Variants in IL1RAPL2 observed in about 807,000 individuals in gnomAD.
The protein encoded by IL1RAPL2 is X-linked interleukin-1 receptor accessory protein-like 2.
Under a neutral mutation model 44.1 loss-of-function variants are expected in IL1RAPL2, and 3 were observed. That is an observed-to-expected ratio of 0.07 (90% CI 0.03 to 0.18). IL1RAPL2 has a LOEUF of 0.18. Among genes scored for constraint, IL1RAPL2 ranks in the 10% least tolerant of loss-of-function variants. The probability of loss-of-function intolerance (pLI) is 1.00; values close to 1 mark genes in which losing one functional copy is unlikely to be tolerated. For synonymous variants in IL1RAPL2, 181 were observed against 178.8 expected (o/e 1.01, Z -0.10); for missense variants, 391 against 496.4 (o/e 0.79, Z 2.02).
chrX:105,766,980 C>T lies in IL1RAPL2; in HGVS notation c.1380C>T (p.Leu460=), dbSNP rs779877798. The change falls in exon 11 of 11, where the codon CTC becomes CTT. Residue 460 remains leucine (L), a synonymous_variant. Transcript: ENST00000372582. ...LIPSGTYMED[L]TRYVEQSRRL... is the part of the protein sequence containing the mutation. ...GATTTGTAGCATACATGGAAGATCT[C>T]ACAAGATATGTTGAACAAAGCAGAA... The T allele has an allele frequency of 4.2e-6, 5 of 1,199,891 alleles. No individual in the cohort carries two copies. In the Admixed American group the frequency reaches 1.1e-4, roughly 26 times the overall value.
At chrX:105,199,912 A>G in intron 3 of IL1RAPL2, among the ~76,000 whole-genome samples, 1 of 111,817 alleles carries the variant, frequency 8.9e-6, no homozygotes, top group Non-Finnish European at 1.9e-5. Context: ...TCAGAGATAC[A>G]TAAATCTATT....
chrX:104,630,402 C>A (rs1205257599), intron 1 of IL1RAPL2, among the ~76,000 whole-genome samples: 1 of 110,584 alleles, frequency 9.0e-6, no homozygotes, highest in African/African-American at 3.3e-5. Context: ...CTGCCTCGGC[C>A]TCCCAAAGTG....
intron 6 of IL1RAPL2, among the ~76,000 whole-genome samples, chrX:105,628,141 T>C (rs923340981): frequency 8.9e-6 from 1 of 111,912 alleles, no homozygotes; most frequent in South Asian, 3.7e-4. Context: ...TTTTATGCCA[T>C]GGTGCATTGG....
intron 2 of IL1RAPL2, among the ~76,000 whole-genome samples, chrX:105,016,053 G>A (rs1298032802): frequency 9.0e-6 from 1 of 111,123 alleles, no homozygotes; most frequent in Non-Finnish European, 1.9e-5. Context: ...GGATTCCTAG[G>A]TATTTTATTC....
chrX:105,043,106 AT>A (rs1182325944), intron 2 of IL1RAPL2, among the ~76,000 whole-genome samples: 5 of 102,570 alleles, frequency 4.9e-5, no homozygotes, highest in Non-Finnish European at 1.0e-4. Flanking sequence ...GAGGGAGAGC[AT>A]TGGGAGATAT....
At chrX:105,445,185 A>G (rs1036615468) in intron 5 of IL1RAPL2, among the ~76,000 whole-genome samples, 3 of 111,553 alleles carry the variant, frequency 2.7e-5, no homozygotes, top group Admixed American at 1.9e-4. Flanking sequence ...GGCATAACTT[A>G]CTCATAGTAG....
intron 9 of IL1RAPL2, 111 bp downstream of exon 9, chrX:105,749,214 G>A: frequency 1.4e-6 from 1 of 696,831 alleles, no homozygotes; most frequent in Non-Finnish European, 2.1e-6. Flanking sequence ...GGGGTAAAGG[G>A]CTATGGCAAG....
intron 5 of IL1RAPL2, among the ~76,000 whole-genome samples, chrX:105,395,388 A>T (rs1449820847): frequency 9.0e-6 from 1 of 110,510 alleles, no homozygotes; most frequent in Non-Finnish European, 1.9e-5. Context: ...TTAAAAAAAA[A>T]GAAAAGAAGA....
chrX:104,889,013 C>T (rs1923340575), intron 2 of IL1RAPL2, among the ~76,000 whole-genome samples: 3 of 111,273 alleles, frequency 2.7e-5, no homozygotes, highest in Admixed American at 1.9e-4. Flanking sequence ...GCCTCTGGGG[C>T]ACCTACTACC....
chrX:105,038,381 T>A (rs2031665383), intron 2 of IL1RAPL2, among the ~76,000 whole-genome samples: 1 of 111,821 alleles, frequency 8.9e-6, no homozygotes, highest in Non-Finnish European at 1.9e-5. Context: ...CCTAGTTTAC[T>A]GTCTAGTCAT....
At chrX:105,168,256 C>T (rs2033388239) in intron 2 of IL1RAPL2, among the ~76,000 whole-genome samples, 1 of 111,315 alleles carries the variant, frequency 9.0e-6, no homozygotes, top group Non-Finnish European at 1.9e-5. Flanking sequence ...TTTATGTGTA[C>T]GATTACATGA....
intron 6 of IL1RAPL2, among the ~76,000 whole-genome samples, chrX:105,533,097 G>C (rs2036650671): frequency 9.0e-6 from 1 of 111,112 alleles, no homozygotes; most frequent in Non-Finnish European, 1.9e-5. Flanking sequence ...GGCTGAGGCA[G>C]AAGAATTGCT....
At chrX:104,741,983 A>G (rs942930176) in intron 2 of IL1RAPL2, among the ~76,000 whole-genome samples, 4 of 111,455 alleles carry the variant, frequency 3.6e-5, no homozygotes, top group African/African-American at 9.8e-5. Context: ...TTTTGTGCAG[A>G]GTGTTTCCAT....
chrX:104,761,978 CTTCTT>C (rs1932466204), intron 2 of IL1RAPL2, among the ~76,000 whole-genome samples: 1 of 95,958 alleles, frequency 1.0e-5, no homozygotes, highest in African/African-American at 4.0e-5. Context: ...TCTTCTTCTT[CTTCTT>C]CCTCCTCCTC....
chrX:104,714,130 C>A (rs1047125697), intron 2 of IL1RAPL2, among the ~76,000 whole-genome samples: 11 of 110,564 alleles, frequency 9.9e-5, no homozygotes, highest in African/African-American at 3.6e-4. Context: ...CCTGACTGCC[C>A]TGGCCAGAAC....
At chrX:104,915,527 A>T (rs1372006998) in intron 2 of IL1RAPL2, among the ~76,000 whole-genome samples, 1 of 110,292 alleles carries the variant, frequency 9.1e-6, no homozygotes, top group African/African-American at 3.3e-5. Flanking sequence ...TTGCCTGTTC[A>T]CTCTGATGGT....
intron 1 of IL1RAPL2, among the ~76,000 whole-genome samples, chrX:104,610,079 T>C (rs1929115198): frequency 8.9e-6 from 1 of 111,801 alleles, no homozygotes; most frequent in African/African-American, 3.3e-5. Context: ...TTCATTTTTG[T>C]TTGTTAGTTT....
At chrX:104,809,397 T>C (rs1459364200) in intron 2 of IL1RAPL2, among the ~76,000 whole-genome samples, 1 of 110,480 alleles carries the variant, frequency 9.1e-6, no homozygotes, top group Non-Finnish European at 1.9e-5. Context: ...TGTTGTTTCC[T>C]GAGTTTTTAA....
At chrX:105,663,181 G>A (rs1220864345) in intron 6 of IL1RAPL2, among the ~76,000 whole-genome samples, 1 of 111,816 alleles carries the variant, frequency 8.9e-6, no homozygotes. Flanking sequence ...ACTAGGAGAT[G>A]AATTGCTTAA....
Sources: gnomAD v4.1 joint callset for allele counts (sites outside exome capture counted in the v4.1 genomes callset) on GRCh38, gnomAD v4.1.1 for gene constraint, MANE v1.5 for transcripts, NCBI Gene and HGNC (gene_info 2026-07-23, HGNC 2026-07-21) for gene names.